Variants in TDRD3 observed in about 807,000 individuals in gnomAD.
The protein encoded by TDRD3 is tudor domain containing 3.
In TDRD3, 45 loss-of-function variants were observed where a neutral mutation model predicts 86.7. The ratio of observed to expected loss-of-function variants is 0.52; its 90% confidence interval spans 0.41 to 0.67. The LOEUF is 0.67. Among genes scored for constraint, TDRD3 ranks in the 30% least tolerant of loss-of-function variants. The pLI is 0.00. For missense variants in TDRD3, 814 were observed against 889.0 expected (o/e 0.92, Z 1.07); for synonymous variants, 298 against 301.7 (o/e 0.99, Z 0.13).
intron 1 of TDRD3, among the ~76,000 whole-genome samples, chr13:60,438,837 G>A (rs753987591): frequency 5.3e-5 from 8 of 152,066 alleles, no homozygotes; most frequent in African/African-American, 1.2e-4. Flanking sequence ...GTCTGCAATG[G>A]TGATGGTACC....
intron 5 of TDRD3, among the ~76,000 whole-genome samples, chr13:60,480,338 G>A (rs1042649221): frequency 1.3e-5 from 2 of 152,194 alleles, no homozygotes; most frequent in Non-Finnish European, 2.9e-5. Context: ...CTTTTGGCTT[G>A]TGAGGTTTAA....
At chr13:60,433,977 A>G (rs538089733) in intron 1 of TDRD3, 1 of 152,304 alleles carries the variant, frequency 6.6e-6, no homozygotes, top group Admixed American at 6.5e-5. Flanking sequence ...TGAGTTTAAA[A>G]CAATAGTGTT....
At chr13:60,407,793 C>T (rs559576828) in intron 1 of TDRD3, among the ~76,000 whole-genome samples, 1 of 152,284 alleles carries the variant, frequency 6.6e-6, no homozygotes, top group South Asian at 2.1e-4. Flanking sequence ...TTCAGAATTG[C>T]TTACAGCTTA....
intron 1 of TDRD3, among the ~76,000 whole-genome samples, chr13:60,426,074 A>G (rs557026507): frequency 6.6e-6 from 1 of 152,248 alleles, no homozygotes; most frequent in South Asian, 2.1e-4. Context: ...TTGTATTTAC[A>G]ATGGGATATA....
rs147152483 is a variant in TDRD3 at position 60,474,335 on chromosome 13, G to A, written c.495+6956G>A. On this transcript the variant is annotated intron_variant, in intron 5 of 13. Transcript: ENST00000377881. The stretch of plus-strand genomic sequence containing the variant: ...TAAATAACAGCATAGCTAGGCATTC[G>A]GGGTCACTACCGGTCTCCGCGCCTT... Among the ~76,000 whole-genome samples, 502 of 152,144 alleles carry A rather than the reference G, an allele frequency of 3.3e-3. 3 individuals carry two copies. The highest frequency in any genetic ancestry group is 0.011 in the African/African-American group (474 of 41,506).
At chr13:60,397,731 C>T (rs1210607935) in intron 1 of TDRD3, among the ~76,000 whole-genome samples, 2 of 151,054 alleles carry the variant, frequency 1.3e-5, no homozygotes, top group African/African-American at 2.4e-5. Context: ...ACCGGAGCGC[C>T]GGGGAGGACC....
chr13:60,432,189 G>C (rs1303298684), intron 1 of TDRD3, among the ~76,000 whole-genome samples: 1 of 151,900 alleles, frequency 6.6e-6, no homozygotes, highest in Non-Finnish European at 1.5e-5. Context: ...TGATCCTTCT[G>C]TTTATTATGC....
chr13:60,442,465 T>C (rs957034526), intron 2 of TDRD3, among the ~76,000 whole-genome samples: 8 of 152,124 alleles, frequency 5.3e-5, no homozygotes, highest in African/African-American at 1.7e-4. Flanking sequence ...TTTTACAGGC[T>C]AAAAGTTTTC....
chr13:60,431,263 A>C (rs1012173585), intron 1 of TDRD3, among the ~76,000 whole-genome samples: 4 of 151,990 alleles, frequency 2.6e-5, no homozygotes, highest in Admixed American at 2.0e-4. Context: ...CTTCAACAGG[A>C]GTATAATATT....
chr13:60,418,556 T>C (rs1954580535), intron 1 of TDRD3, among the ~76,000 whole-genome samples: 2 of 152,166 alleles, frequency 1.3e-5, no homozygotes, highest in Non-Finnish European at 2.9e-5. Flanking sequence ...CAAATGTTTA[T>C]TGAATAAATA....
chr13:60,399,953 A>G (rs941264615), intron 1 of TDRD3, among the ~76,000 whole-genome samples: 3 of 152,212 alleles, frequency 2.0e-5, no homozygotes, highest in African/African-American at 4.8e-5. Context: ...TTTAATCTTC[A>G]TTAGAACCCC....
In TDRD3 at chr13:60,474,377, C is replaced by T. The variant is rs140288108; in HGVS notation, c.495+6998C>T. 9.9e-3 allele frequency among the ~76,000 whole-genome samples: 1,511 copies of T among 152,314 alleles called. 16 individuals carry two copies. Among genetic ancestry groups the T allele is most frequent in the Non-Finnish European group, 0.016 (1,097 of 68,024 alleles). ...CCGCGCCTTGGTGGTAGTGGCCCCC[C>T]CCGGGCCCAGCTGTCCTTTCTTCTG... On this transcript the variant is annotated intron_variant, in intron 5 of 13. Coordinates refer to ENST00000377881, the MANE Select transcript of TDRD3 (RefSeq NM_001146070.2).
At chr13:60,526,409 A>G (rs902077348) in intron 10 of TDRD3, among the ~76,000 whole-genome samples, 5 of 152,138 alleles carry the variant, frequency 3.3e-5, no homozygotes, top group Admixed American at 6.6e-5. Flanking sequence ...AAAAGCCAAT[A>G]TATGCCTTCT....
chr13:60,556,646 A>G (rs1174516158), intron 12 of TDRD3, among the ~76,000 whole-genome samples: 2 of 152,196 alleles, frequency 1.3e-5, no homozygotes, highest in Non-Finnish European at 2.9e-5. Flanking sequence ...ATAGATTTAT[A>G]TATTGCCTAA....
At chr13:60,480,004 G>A (rs1186653016) in intron 5 of TDRD3, among the ~76,000 whole-genome samples, 1 of 152,082 alleles carries the variant, frequency 6.6e-6, no homozygotes, top group Non-Finnish European at 1.5e-5. Context: ...TACATTCAGG[G>A]TCAATATTGA....
chr13:60,559,199 A>T (rs1457054931), intron 12 of TDRD3, among the ~76,000 whole-genome samples: 1 of 152,180 alleles, frequency 6.6e-6, no homozygotes, highest in Non-Finnish European at 1.5e-5. Context: ...AATTCTCCTG[A>T]TAAACCTCTG....
intron 1 of TDRD3, among the ~76,000 whole-genome samples, chr13:60,415,068 T>A (rs1017024854): frequency 6.6e-6 from 1 of 152,052 alleles, no homozygotes; most frequent in Admixed American, 6.6e-5. Flanking sequence ...TTAAACTGAT[T>A]GGTCATCAGC....
rs144503302 is a variant in TDRD3 at position 60,486,014 on chromosome 13, C to T, written c.717+66C>T. 7.0e-3 allele frequency: 10,060 copies of T among 1,438,294 alleles called. 47 individuals are homozygous for T. The highest frequency in any genetic ancestry group is 0.018 in the Middle Eastern group (97 of 5,308). The allele number at this position is 1,438,294 out of a possible 1,614,324, so 89.1% of individuals were successfully genotyped here. On this transcript the variant is annotated intron_variant, in intron 7 of 13. Coordinates refer to ENST00000377881, the MANE Select transcript of TDRD3 (RefSeq NM_001146070.2). ...ATGTTCTATTTAGATTATTTGTGATCGTTATTGTCTTTTCATATAAGCTAA... is the reference window on the plus strand; with the variant it reads ...ATGTTCTATTTAGATTATTTGTGATTGTTATTGTCTTTTCATATAAGCTAA...
At chr13:60,518,610 T>C (rs1231753160) in intron 10 of TDRD3, among the ~76,000 whole-genome samples, 1 of 152,206 alleles carries the variant, frequency 6.6e-6, no homozygotes, top group Admixed American at 6.5e-5. Context: ...TGTAAATACA[T>C]GTAAAAAGGT....
Sources: gnomAD v4.1 joint callset for allele counts (sites outside exome capture counted in the v4.1 genomes callset) on GRCh38, gnomAD v4.1.1 for gene constraint, MANE v1.5 for transcripts, NCBI Gene and HGNC (gene_info 2026-07-23, HGNC 2026-07-21) for gene names.